Variants in LAMA2 observed in about 807,000 individuals in gnomAD.
LAMA2 encodes the protein laminin subunit alpha 2.
LAMA2 carries 269 observed loss-of-function variants against 364.8 expected under a neutral mutation model. The observed-to-expected ratio is 0.74, with a 90% CI of 0.67 to 0.82. The LOEUF (loss-of-function observed/expected upper bound fraction) is 0.82. Ranked by LOEUF, LAMA2 falls within the 40% of genes least tolerant of loss-of-function variation. LAMA2 has a pLI of 0.00. For missense variants in LAMA2, 3,807 were observed against 3,873.2 expected, an observed-to-expected ratio of 0.98 and a Z score of 0.45; for synonymous variants, 1,379 against 1,370.6, an observed-to-expected ratio of 1.01 and a Z score of -0.14.
chr6:128,962,141 T>TAC (rs1374289103), intron 1 of LAMA2, among the ~76,000 whole-genome samples: 1 of 35,250 alleles, frequency 2.8e-5, no homozygotes, highest in African/African-American at 1.9e-4. Context: ...CTCTGGACCA[T>TAC]ATATATATAT....
At chr6:129,117,799 C>T (rs1435090375) in intron 4 of LAMA2, among the ~76,000 whole-genome samples, 1 of 152,136 alleles carries the variant, frequency 6.6e-6, no homozygotes, top group Non-Finnish European at 1.5e-5. Flanking sequence ...TTGTTGTTCC[C>T]ATTTTGCAAA....
intron 1 of LAMA2, among the ~76,000 whole-genome samples, chr6:128,921,705 T>TTTA (rs1778735821): frequency 3.2e-5 from 4 of 126,472 alleles, no homozygotes; most frequent in African/African-American, 1.2e-4. Context: ...CTGTTTTTTT[T>TTTA]TTTTTTTTAT....
At chr6:129,010,652 T>A (rs1369698795) in intron 1 of LAMA2, among the ~76,000 whole-genome samples, 1 of 152,260 alleles carries the variant, frequency 6.6e-6, no homozygotes, top group Non-Finnish European at 1.5e-5. Context: ...GGAGAAGCAC[T>A]GAAGAATTAA....
chr6:129,416,468 G>T (rs1780794565), intron 40 of LAMA2, among the ~76,000 whole-genome samples: 1 of 152,156 alleles, frequency 6.6e-6, no homozygotes, highest in Non-Finnish European at 1.5e-5. Flanking sequence ...CAGTCTTGGT[G>T]GGAGTTATGT....
At chr6:129,227,756 G>A (rs770731879) in intron 12 of LAMA2, among the ~76,000 whole-genome samples, 4 of 152,206 alleles carry the variant, frequency 2.6e-5, no homozygotes, top group Non-Finnish European at 5.9e-5. Flanking sequence ...GTGCCTCACA[G>A]TTAGGCTATT....
intron 1 of LAMA2, among the ~76,000 whole-genome samples, chr6:128,916,903 G>A (rs1778351845): frequency 6.6e-6 from 1 of 152,208 alleles, no homozygotes; most frequent in Admixed American, 6.5e-5. Context: ...CAGATGGTAA[G>A]ATTGGATCTG....
At chr6:129,438,841 C>A in intron 42 of LAMA2, 79 bp downstream of exon 42, 2 of 799,284 alleles carry the variant, frequency 2.5e-6, no homozygotes, top group South Asian at 2.7e-5. Context: ...CCATTTTTTT[C>A]TAAGATTATT....
intron 1 of LAMA2, among the ~76,000 whole-genome samples, chr6:128,982,116 A>G (rs1169575343): frequency 6.6e-6 from 1 of 152,190 alleles, no homozygotes; most frequent in Admixed American, 6.5e-5. Context: ...ATACAGGAAA[A>G]GAAACATGAT....
intron 55 of LAMA2, among the ~76,000 whole-genome samples, chr6:129,483,683 G>A (rs570615615): frequency 3.7e-4 from 56 of 152,212 alleles, no homozygotes; most frequent in Middle Eastern, 3.4e-3. Flanking sequence ...GAAGAATAGC[G>A]TAGTTGGGGC....
chr6:129,166,537 A>T (rs1175310647), intron 9 of LAMA2, among the ~76,000 whole-genome samples: 1 of 152,168 alleles, frequency 6.6e-6, no homozygotes, highest in Admixed American at 6.6e-5. Flanking sequence ...ATTTTGAAAT[A>T]TTAAAAAACG....
chr6:129,194,591 G>A (rs1781728976), intron 12 of LAMA2, among the ~76,000 whole-genome samples: 1 of 152,108 alleles, frequency 6.6e-6, no homozygotes, highest in Admixed American at 6.5e-5. Context: ...GTTCTTGCCT[G>A]TACTGCCGTT....
intron 1 of LAMA2, among the ~76,000 whole-genome samples, chr6:129,010,934 C>T (rs529953148): frequency 3.9e-5 from 6 of 152,200 alleles, no homozygotes; most frequent in East Asian, 1.9e-4. Context: ...TATATATTCG[C>T]GTGTTCACTT....
At chr6:129,487,857 A>G (rs1583865795) in intron 56 of LAMA2, among the ~76,000 whole-genome samples, 1 of 152,200 alleles carries the variant, frequency 6.6e-6, no homozygotes, top group Non-Finnish European at 1.5e-5. Flanking sequence ...TCTAACAGCC[A>G]GATATTGTAG....
chr6:129,128,674 A>C (rs190201145), intron 4 of LAMA2, among the ~76,000 whole-genome samples: 1 of 152,264 alleles, frequency 6.6e-6, no homozygotes, highest in African/African-American at 2.4e-5. Context: ...AATTTCTTTC[A>C]TCAACATTTT....
At chr6:129,386,299 T>G (rs1248789169) in intron 35 of LAMA2, among the ~76,000 whole-genome samples, 1 of 152,000 alleles carries the variant, frequency 6.6e-6, no homozygotes, top group Non-Finnish European at 1.5e-5. Context: ...TCTTTAAGAA[T>G]GCTCAGAGAA....
intron 1 of LAMA2, among the ~76,000 whole-genome samples, chr6:128,953,143 G>T (rs1396594656): frequency 6.6e-6 from 1 of 152,172 alleles, no homozygotes; most frequent in African/African-American, 2.4e-5. Context: ...AAATATCAGA[G>T]AAGTGGTATT....
intron 1 of LAMA2, among the ~76,000 whole-genome samples, chr6:128,926,581 A>G (rs1161031294): frequency 2.0e-5 from 3 of 152,208 alleles, no homozygotes; most frequent in African/African-American, 7.2e-5. Context: ...AAAATCCAGA[A>G]TAACAGTTAA....
At chr6:129,048,540 C>CCTTCCTTCCTTTCTTT (rs1562188047) in intron 1 of LAMA2, among the ~76,000 whole-genome samples, 2 of 53,944 alleles carry the variant, frequency 3.7e-5, no homozygotes, top group African/African-American at 5.3e-5. Flanking sequence ...TTCCTTCCTT[C>CCTTCCTTCCTTTCTTT]CTTTCTTTCT....
At chr6:129,411,139 A>G (rs1055966378) in intron 40 of LAMA2, among the ~76,000 whole-genome samples, 5 of 152,310 alleles carry the variant, frequency 3.3e-5, no homozygotes, top group African/African-American at 1.2e-4. Context: ...TTAGGTGCCC[A>G]TGGCCAGTCA....
Sources: allele counts gnomAD v4.1 joint callset (sites outside exome capture counted in the v4.1 genomes callset), GRCh38; gene constraint gnomAD v4.1.1; transcripts MANE v1.5; gene names NCBI Gene and HGNC (gene_info 2026-07-23, HGNC 2026-07-21).